The following PIK3AP1 variants were observed in gnomAD, a reference collection of about 807,000 sequenced individuals.
PIK3AP1 encodes the protein phosphoinositide 3-kinase adapter protein 1.
PIK3AP1 carries 21 observed loss-of-function variants against 88.1 expected under a neutral mutation model. That is an observed-to-expected ratio of 0.24 (90% CI 0.17 to 0.34). The LOEUF (loss-of-function observed/expected upper bound fraction) is 0.34, where lower values mean the gene tolerates loss of function less well. Ranked by LOEUF, PIK3AP1 falls within the 10% of genes least tolerant of loss-of-function variation. The pLI is 1.00. For missense variants in PIK3AP1, 828 were observed against 1,035.7 expected (o/e 0.80, Z 2.75); for synonymous variants, 398 against 400.0 (o/e 1.00, Z 0.06).
rs755769271 is a variant in PIK3AP1, at chr10:96,709,805, G to T, written c.192C>A (p.Thr64=). 6.2e-7 allele frequency: 1 copy of T among 1,613,616 alleles called. No individual in the cohort carries two copies. Among genetic ancestry groups the T allele is most frequent in the Non-Finnish European group, 8.5e-7 (1 of 1,179,590 alleles). ...CGGACAGCAGCACCACGACACAGCG[G>T]GTGCTGAGGAAAAGGCTTAGGTCCT... ...SAEDLSLFLS[T]RCVVVLLSAE... The change falls in exon 2 of 17, where the codon ACC becomes ACA. Residue 64 remains threonine, a synonymous_variant. Transcript: ENST00000339364.
At position 96,595,479 on chromosome 10, in the gene PIK3AP1, C is replaced by T. The variant is rs1848738716; in HGVS notation, c.*98G>A. 17 of 1,292,152 alleles carry T rather than the reference C, an allele frequency of 1.3e-5. No individual in the cohort carries two copies. The South Asian group carries it at 2.0e-4, about 15-fold the overall frequency. The allele number at this position is 1,292,152 out of a possible 1,614,324, so 80.0% of individuals were successfully genotyped here. A position where few individuals can be genotyped will look rare whatever the true frequency, so the allele number is the denominator to read the frequency against. On this transcript the variant is annotated 3_prime_UTR_variant, in exon 17 of 17. Transcript: ENST00000339364. ...CAGCAATGAGAATGGATCTTAAGGT[C>T]AACAGTCATGCTATAAAACTCAACA...
intron 8 of PIK3AP1, among the ~76,000 whole-genome samples, chr10:96,637,232 A>G (rs1366114973): frequency 6.6e-6 from 1 of 151,450 alleles, no homozygotes; most frequent in Non-Finnish European, 1.5e-5. Context: ...CCATGTCAGT[A>G]AGAAAGTCTA....
At chr10:96,713,479 G>A (rs1324438595) in intron 1 of PIK3AP1, among the ~76,000 whole-genome samples, 1 of 146,858 alleles carries the variant, frequency 6.8e-6, no homozygotes, top group Non-Finnish European at 1.5e-5. Flanking sequence ...ACTCCAGCCT[G>A]GGAGACAGAC....
chr10:96,602,991 C>T (rs1272987197), intron 15 of PIK3AP1, among the ~76,000 whole-genome samples: 2 of 152,116 alleles, frequency 1.3e-5, no homozygotes, highest in Non-Finnish European at 2.9e-5. Context: ...ACAGTGACCC[C>T]GGCTCCCTCT....
intron 8 of PIK3AP1, among the ~76,000 whole-genome samples, chr10:96,630,622 C>A (rs1843231619): frequency 1.3e-5 from 2 of 151,780 alleles, no homozygotes; most frequent in African/African-American, 4.8e-5. Context: ...ATCGCTTGAG[C>A]CCAGAAGTTC....
rs771887329 is a variant in PIK3AP1, at chr10:96,672,171, T to C, written c.431-15237A>G. The stretch of plus-strand genomic sequence containing the variant: ...CTCCCATGCTGGCTTCCAGAGGTGG[T>C]TGGAGCTGGTAACTTTGGAATGCAG... On this transcript the variant is annotated intron_variant, in intron 2 of 16. Transcript: ENST00000339364. Among the ~76,000 whole-genome samples, 16 of 152,228 alleles carry C rather than the reference T, an allele frequency of 1.1e-4. 1 individual carries two copies. Among genetic ancestry groups the C allele is most frequent in the Admixed American group, 4.6e-4 (7 of 15,278 alleles).
Position 96,602,386 on chromosome 10 carries a change from G to A in PIK3AP1, c.2254C>T (p.Pro752Ser). ...MEGDNEDNEV[P>S]EVTRSRSPGP... The stretch of plus-strand genomic sequence containing the variant: ...GGACTGCGACTTCTGGTAACCTCAG[G>A]GACTTCATTATCCTACAGCAAAGAA... The change falls in exon 16 of 17, where the codon CCT becomes TCT. Residue 752 changes from proline to serine, a missense_variant. Physicochemically the swap from Pro to Ser is moderately conservative, Grantham distance 74. Around this residue, in one of 3 missense-constraint regions of PIK3AP1, gnomAD observed 191 missense variants for 208.6 expected, o/e 0.92. Coordinates refer to ENST00000339364, the MANE Select transcript of PIK3AP1 (RefSeq NM_152309.3). 6.2e-7 allele frequency: 1 copy of A among 1,611,728 alleles called. No individual in the cohort carries two copies. The highest frequency in any genetic ancestry group is 8.5e-7 in the Non-Finnish European group (1 of 1,178,164).
chr10:96,628,889 C>CACACACACATATATACAT (rs1554955372), intron 8 of PIK3AP1, among the ~76,000 whole-genome samples: 1 of 60,852 alleles, frequency 1.6e-5, no homozygotes, highest in African/African-American at 6.0e-5. Context: ...TATATATATA[C>CACACACACATATATACAT]ATATATATAT....
At position 96,611,552 on chromosome 10, in the gene PIK3AP1, C is replaced by T. The variant is rs2134191475; in HGVS notation, c.2015-1685G>A. Among the ~76,000 whole-genome samples, 4 of 152,286 alleles carry T rather than the reference C, an allele frequency of 2.6e-5. No homozygotes were observed. In the Middle Eastern group the frequency reaches 0.01, roughly 388 times the overall value. On this transcript the variant is annotated intron_variant, in intron 13 of 16. Transcript: ENST00000339364. The stretch of plus-strand genomic sequence containing the variant: ...TGGCGCCATCTTGGCTCACTTCAAC[C>T]TCTGCCTCCTGGGTTCAAGCAATTC...
intron 1 of PIK3AP1, among the ~76,000 whole-genome samples, chr10:96,714,659 G>A (rs1406127501): frequency 6.6e-6 from 1 of 152,204 alleles, no homozygotes; most frequent in East Asian, 1.9e-4. Flanking sequence ...TGAGCCTGGA[G>A]CATCTTGTAG....
At chr10:96,703,714 C>T (rs914722710) in intron 2 of PIK3AP1, among the ~76,000 whole-genome samples, 2 of 152,204 alleles carry the variant, frequency 1.3e-5, no homozygotes, top group Admixed American at 6.5e-5. Context: ...ATAGTCCAGT[C>T]TTCTATGCAC....
At chr10:96,615,136 C>T (rs1849192240) in intron 13 of PIK3AP1, among the ~76,000 whole-genome samples, 1 of 152,000 alleles carries the variant, frequency 6.6e-6, no homozygotes, top group African/African-American at 2.4e-5. Flanking sequence ...GTGCACAGGC[C>T]CTGAGGGAGA....
At chr10:96,605,316 A>C (rs1429964105) in intron 14 of PIK3AP1, among the ~76,000 whole-genome samples, 1 of 152,204 alleles carries the variant, frequency 6.6e-6, no homozygotes, top group Non-Finnish European at 1.5e-5. Flanking sequence ...TATGGTAGCA[A>C]GTGGGAAACA....
rs1210986879 is a variant in PIK3AP1, at chr10:96,652,706, T to C, written c.704A>G (p.Lys235Arg). Residue 235 changes from lysine to arginine, a missense_variant, in exon 4 of 17, where the codon AAG becomes AGG. Around this residue, in one of 3 missense-constraint regions of PIK3AP1, gnomAD observed 610 missense variants for 760.1 expected, o/e 0.80. Coordinates refer to ENST00000339364, the MANE Select transcript of PIK3AP1 (RefSeq NM_152309.3). ...KVENEYTISVKAPNLSSGNVS... is the reference protein window; with the variant it reads ...KVENEYTISVRAPNLSSGNVS... ...CACAGGGGACTACTTACTGGGAGCC[T>C]TCACTGAAATGGTGTACTCATTCTC... 1 of 1,614,168 alleles carries C rather than the reference T, an allele frequency of 6.2e-7. No homozygotes were observed. Among genetic ancestry groups the C allele is most frequent in the Non-Finnish European group, 8.5e-7 (1 of 1,179,992 alleles).
rs1196967747 is a variant in PIK3AP1, at chr10:96,609,826, G to T, written c.2056C>A (p.Pro686Thr). 17 of 1,613,994 alleles carry T rather than the reference G, an allele frequency of 1.1e-5. No individual in the cohort carries two copies. Among genetic ancestry groups the T allele is most frequent in the Non-Finnish European group, 1.4e-5 (17 of 1,179,990 alleles). ...TAGACTCCAAACTCCACTTTTGCAG[G>T]CAGGTGCTGTGAGTGCCGAATTGGG... ...TVPIRHSQHL[P>T]AKVEFGVYES... The change falls in exon 14 of 17, where the codon CCT (proline) becomes ACT (threonine). Residue 686 changes from proline (P) to threonine (T), a missense_variant. Physicochemically the swap from Pro to Thr is conservative, Grantham distance 38 (BLOSUM62 -1). Around this residue, in one of 3 missense-constraint regions of PIK3AP1, gnomAD observed 191 missense variants for 208.6 expected, o/e 0.92. Transcript: ENST00000339364.
intron 2 of PIK3AP1, among the ~76,000 whole-genome samples, chr10:96,658,790 G>A (rs575619801): frequency 4.0e-5 from 6 of 150,798 alleles, no homozygotes; most frequent in Non-Finnish European, 8.9e-5. Flanking sequence ...TTGTCTGTAC[G>A]TCAGGCAGAA....
chr10:96,710,073 T>C lies in PIK3AP1; in HGVS notation c.14-90A>G, dbSNP rs889903692. On this transcript the variant is annotated intron_variant, in intron 1 of 16. Coordinates refer to ENST00000339364, the MANE Select transcript of PIK3AP1 (RefSeq NM_152309.3). ...CTGCAAAGGTAGAGCATCCAGACACTGGGTCTGGCACCCACAATCTTTCGT... is the reference window on the plus strand; with the variant it reads ...CTGCAAAGGTAGAGCATCCAGACACCGGGTCTGGCACCCACAATCTTTCGT... 21 of 1,306,264 alleles carry C rather than the reference T, an allele frequency of 1.6e-5. No individual in the cohort carries two copies. The African/African-American group carries it at 2.8e-4, about 17-fold the overall frequency. The allele number at this position is 1,306,264 out of a possible 1,614,324, so 80.9% of individuals were successfully genotyped here.
chr10:96,603,523 C>T (rs1848940459), intron 15 of PIK3AP1, among the ~76,000 whole-genome samples: 1 of 152,074 alleles, frequency 6.6e-6, no homozygotes, highest in Non-Finnish European at 1.5e-5. Context: ...TCCCAGCCTA[C>T]ATCTTTCTCC....
intron 11 of PIK3AP1, 198 bp from the exon 12 acceptor site, chr10:96,620,755 G>A (rs1168758686): frequency 1.8e-6 from 1 of 561,954 alleles, no homozygotes; most frequent in African/African-American, 1.9e-5. Context: ...CTATCACACT[G>A]AAGTAGACAA....
Sources: gnomAD v4.1 joint callset for allele counts (sites outside exome capture counted in the v4.1 genomes callset) on GRCh38, gnomAD v4.1.1 for gene constraint, gnomAD v4.1.1 regional missense constraint, MANE v1.5 for transcripts, NCBI Gene and HGNC (gene_info 2026-07-23, HGNC 2026-07-21) for gene names.